Variants in HGF observed in about 807,000 individuals in gnomAD.
HGF encodes the protein hepatocyte growth factor.
Under a neutral mutation model 111.6 loss-of-function variants are expected in HGF, and 39 were observed. The observed-to-expected ratio is 0.35, with a 90% CI of 0.27 to 0.46. The LOEUF (loss-of-function observed/expected upper bound fraction) is 0.46, where lower values mean the gene tolerates loss of function less well. Among genes scored for constraint, HGF ranks in the 20% least tolerant of loss-of-function variants. The pLI, the probability that HGF is intolerant of heterozygous loss-of-function variation, is 1.00. For synonymous variants in HGF, 285 were observed against 294.8 expected, an observed-to-expected ratio of 0.97 and a Z score of 0.34; for missense variants, 735 against 910.5, an observed-to-expected ratio of 0.81 and a Z score of 2.48.
intron 17 of HGF, among the ~76,000 whole-genome samples, chr7:81,705,150 C>T (rs1053519665): frequency 3.3e-5 from 5 of 151,806 alleles, no homozygotes; most frequent in African/African-American, 1.2e-4. Context: ...TCCGGCTCTA[C>T]ACACTTATTA....
At chr7:81,719,475 A>C (rs1164898182) in intron 10 of HGF, among the ~76,000 whole-genome samples, 2 of 152,180 alleles carry the variant, frequency 1.3e-5, no homozygotes, top group Non-Finnish European at 2.9e-5. Context: ...GATTCAGTCC[A>C]AATTGACAGG....
intron 7 of HGF, chr7:81,742,860 T>C (rs946092604): frequency 1.9e-6 from 3 of 1,602,228 alleles, no homozygotes; most frequent in Non-Finnish European, 2.6e-6. Flanking sequence ...ACATCTGTGA[T>C]AAACTTCTAT....
intron 9 of HGF, among the ~76,000 whole-genome samples, chr7:81,724,247 A>T (rs1355487379): frequency 6.6e-6 from 1 of 152,216 alleles, no homozygotes; most frequent in African/African-American, 2.4e-5. Context: ...CCTTAAAGGA[A>T]CAGTGAAATT....
intron 9 of HGF, among the ~76,000 whole-genome samples, chr7:81,721,208 C>T (rs1262597134): frequency 1.3e-5 from 2 of 152,104 alleles, no homozygotes; most frequent in Admixed American, 6.5e-5. Flanking sequence ...GATGGCGCCA[C>T]TGCACTCCAG....
In HGF at chr7:81,743,411, T is replaced by A; in HGVS notation, c.807A>T (p.Pro269=). The change falls in exon 7 of 18, where the codon CCA becomes CCT. Residue 269 remains proline, a synonymous_variant. Coordinates refer to ENST00000222390, the MANE Select transcript of HGF (RefSeq NM_000601.6). ...YCRNPDGQPR[P]WCYTLDPHTR... ...TGTGAGGGTCAAGAGTATAGCACCA[T>A]GGCCTCGGCTGGCCATCGGGATTGC... The A allele has an allele frequency of 1.2e-6, 2 of 1,613,944 alleles. No homozygotes were observed. Among genetic ancestry groups the A allele is most frequent in the Non-Finnish European group, 1.7e-6 (2 of 1,179,848 alleles).
chr7:81,731,809 A>C (rs553997795), intron 7 of HGF, among the ~76,000 whole-genome samples: 3 of 152,134 alleles, frequency 2.0e-5, no homozygotes, highest in Non-Finnish European at 4.4e-5. Flanking sequence ...ACAAAAATAA[A>C]TGTCCTTGGG....
In HGF at chr7:81,706,602, A is replaced by C. The variant is rs5745750; in HGVS notation, c.1617-175T>G. ...ATGGCAGATTCTGAATACTACAAAC[A>C]TACATAAGCAGAAAGAGGCTTTAAA... is the stretch of plus-strand genomic sequence containing the variant. On this transcript the variant is annotated intron_variant, in intron 14 of 17. Transcript: ENST00000222390. Among the ~76,000 whole-genome samples the C allele has an allele frequency of 0.011, 1,694 of 152,210 alleles. 34 individuals are homozygous for C. The highest frequency in any genetic ancestry group is 0.037 in the African/African-American group (1,551 of 41,578).
intron 5 of HGF, among the ~76,000 whole-genome samples, chr7:81,750,724 C>A (rs1788457031): frequency 6.6e-6 from 1 of 152,040 alleles, no homozygotes; most frequent in South Asian, 2.1e-4. Context: ...AAGGTACCGG[C>A]CTTTGAAAAC....
intron 1 of HGF, among the ~76,000 whole-genome samples, chr7:81,767,100 C>T (rs1260208955): frequency 6.6e-6 from 1 of 152,144 alleles, no homozygotes; most frequent in African/African-American, 2.4e-5. Context: ...TTCTACCATC[C>T]ATCTTTTCAT....
rs1789306203 is a variant in HGF, at chr7:81,702,440, A to T, written c.*141T>A. 1 of 688,456 alleles carries T rather than the reference A, an allele frequency of 1.5e-6. No homozygotes were observed. The highest frequency in any genetic ancestry group is 1.8e-5 in the African/African-American group (1 of 55,358). The allele number at this position is 688,456 out of a possible 1,614,324, so 42.6% of individuals were successfully genotyped here. A position where few individuals can be genotyped will look rare whatever the true frequency, so the allele number is the denominator to read the frequency against. On this transcript the variant is annotated 3_prime_UTR_variant, in exon 18 of 18. Transcript: ENST00000222390. ...AAAACAACAGAAAACACCCATAAAC[A>T]TTAATGAGAATTTCAACAAACATGA...
At chr7:81,751,481 G>C in intron 5 of HGF, 2 of 901,858 alleles carry the variant, frequency 2.2e-6, no homozygotes, top group Non-Finnish European at 2.5e-6. Context: ...TGAAAACATA[G>C]ACATGGACTT....
rs1583906846 is a variant in HGF, at chr7:81,699,891, C to G, written c.*2690G>C. Reference sequence around the variant, plus strand: ...CTAGAAATTGACTCAATAGATTTTACTGAGGACCTGCCCACAGCATATAGG... The same window carrying G: ...CTAGAAATTGACTCAATAGATTTTAGTGAGGACCTGCCCACAGCATATAGG... On this transcript the variant is annotated 3_prime_UTR_variant, in exon 18 of 18. Transcript: ENST00000222390. The G allele has an allele frequency of 6.6e-6, 1 of 151,802 alleles. No individual in the cohort carries two copies. Among genetic ancestry groups the G allele is most frequent in the South Asian group, 2.1e-4 (1 of 4,830 alleles). 9.4% of individuals were successfully genotyped at this position (151,802 alleles called of 1,614,324 possible). A position where few individuals can be genotyped will look rare whatever the true frequency, so the allele number is the denominator to read the frequency against.
chr7:81,744,977 A>G (rs369966572), intron 6 of HGF, 23 bp downstream of exon 6: 1 of 1,611,556 alleles, frequency 6.2e-7, no homozygotes, highest in Non-Finnish European at 8.5e-7. Flanking sequence ...AATCACTGAA[A>G]GCATGATTCA....
chr7:81,707,514 CT>C lies in HGF; in HGVS notation c.1542-151del, dbSNP rs777784516. 268 of 640,250 alleles carry C rather than the reference CT, an allele frequency of 4.2e-4. 1 individual carries two copies. Among genetic ancestry groups the C allele is most frequent in the Non-Finnish European group, 2.4e-4 (84 of 356,634 alleles). The allele number at this position is 640,250 out of a possible 1,614,324, so 39.7% of individuals were successfully genotyped here. A position where few individuals can be genotyped will look rare whatever the true frequency, so the allele number is the denominator to read the frequency against. On this transcript the variant is annotated intron_variant, in intron 13 of 17. Coordinates refer to ENST00000222390, the MANE Select transcript of HGF (RefSeq NM_000601.6). ...CCCAACTGGAATAAAATGAGAAGTT[CT>C]TTTATCTGAAGGGTGATATTTGGTG... is the stretch of plus-strand genomic sequence containing the variant.
At chr7:81,748,526 T>C (rs1425735062) in intron 5 of HGF, among the ~76,000 whole-genome samples, 1 of 152,218 alleles carries the variant, frequency 6.6e-6, no homozygotes, top group African/African-American at 2.4e-5. Context: ...AGTCAAGCAG[T>C]TCAGGTGAAA....
chr7:81,744,984 T>G lies in HGF; in HGVS notation c.746+16A>C, dbSNP rs918769140. ...TGTAAAAGAATCACTGAAAGCATGA[T>G]TCATTAATATTTTACCTTTCAGGCA... is the stretch of plus-strand genomic sequence containing the variant. On this transcript the variant is annotated intron_variant, in intron 6 of 17. Transcript: ENST00000222390. 6.2e-7 allele frequency: 1 copy of G among 1,613,384 alleles called. No homozygotes were observed. The highest frequency in any genetic ancestry group is 8.5e-7 in the Non-Finnish European group (1 of 1,179,550).
At chr7:81,719,314 T>G (rs2115860582) in intron 10 of HGF, among the ~76,000 whole-genome samples, 1 of 152,284 alleles carries the variant, frequency 6.6e-6, no homozygotes, top group East Asian at 1.9e-4. Context: ...AAATATGCTA[T>G]CTTTCATAGT....
At chr7:81,727,524 C>A (rs1199691107) in intron 8 of HGF, among the ~76,000 whole-genome samples, 2 of 151,966 alleles carry the variant, frequency 1.3e-5, no homozygotes, top group Non-Finnish European at 2.9e-5. Context: ...AACCTTTAGC[C>A]TTCTTATAAA....
chr7:81,767,515 C>T (rs979613446), intron 1 of HGF, among the ~76,000 whole-genome samples: 1 of 152,190 alleles, frequency 6.6e-6, no homozygotes, highest in African/African-American at 2.4e-5. Flanking sequence ...TTCATCTTTA[C>T]ATCCCCCACA....
Sources: allele counts gnomAD v4.1 joint callset (sites outside exome capture counted in the v4.1 genomes callset), GRCh38; gene constraint gnomAD v4.1.1; transcripts MANE v1.5; gene names NCBI Gene and HGNC (gene_info 2026-07-23, HGNC 2026-07-21).